Variants in EYA3 observed in about 807,000 individuals in gnomAD.
EYA3 encodes EYA transcriptional coactivator and phosphatase 3, also known as protein phosphatase EYA3.
Under a neutral mutation model 80.0 loss-of-function variants are expected in EYA3, and 39 were observed. The ratio of observed to expected loss-of-function variants is 0.49; its 90% CI spans 0.38 to 0.64. The LOEUF is 0.64. Among genes scored for constraint, EYA3 ranks in the 30% least tolerant of loss-of-function variants. The probability of loss-of-function intolerance (pLI) is 0.00; values close to 1 mark genes in which losing one functional copy is unlikely to be tolerated. For missense variants in EYA3, 523 were observed against 676.1 expected (o/e 0.77, Z 2.51); for synonymous variants, 206 against 232.8 (o/e 0.88, Z 1.05).
At chr1:27,998,402 G>A (rs1328559090) in intron 12 of EYA3, 1 of 700,166 alleles carries the variant, frequency 1.4e-6, no homozygotes, top group Non-Finnish European at 1.8e-6. Context: ...CATGTAGTAG[G>A]TTTTCAATAA....
chr1:28,035,196 T>C (rs1643376652), intron 6 of EYA3, among the ~76,000 whole-genome samples: 1 of 152,148 alleles, frequency 6.6e-6, no homozygotes, highest in Admixed American at 6.5e-5. Flanking sequence ...CTACCTGGTG[T>C]TAGCAAGAAA....
intron 1 of EYA3, among the ~76,000 whole-genome samples, chr1:28,084,369 G>T (rs1386501375): frequency 6.6e-6 from 1 of 151,426 alleles, no homozygotes; most frequent in Admixed American, 6.6e-5. Context: ...GACAGTAAAA[G>T]ATACCAGTAT....
chr1:27,977,499 G>A, intron 17 of EYA3: 1 of 1,108,990 alleles, frequency 9.0e-7, no homozygotes, highest in Non-Finnish European at 1.3e-6. Context: ...CTGAGACACA[G>A]ATGGGATTTT....
chr1:28,035,024 G>A (rs1328026600), intron 6 of EYA3, among the ~76,000 whole-genome samples: 1 of 151,890 alleles, frequency 6.6e-6, no homozygotes. Context: ...AACTCCCTAG[G>A]CACATAAGGT....
At chr1:27,974,842 G>A (rs1293544088) in intron 17 of EYA3, among the ~76,000 whole-genome samples, 1 of 152,166 alleles carries the variant, frequency 6.6e-6, no homozygotes, top group African/African-American at 2.4e-5. Flanking sequence ...CACCCAGGCT[G>A]GAGTGCAGTG....
intron 14 of EYA3, among the ~76,000 whole-genome samples, chr1:27,991,084 C>T (rs922993876): frequency 6.6e-6 from 1 of 152,162 alleles, no homozygotes; most frequent in Non-Finnish European, 1.5e-5. Context: ...CTTTTGCAGA[C>T]TGGTTGACCA....
rs950571006 is a variant in EYA3, at chr1:28,013,978, G to T, written c.586-684C>A. ...CTTGGGAGGCTAAGGCACAAGAATCGCTTGAACCTGGAAAGCGGAGGTTGC... is the reference window on the plus strand; with the variant it reads ...CTTGGGAGGCTAAGGCACAAGAATCTCTTGAACCTGGAAAGCGGAGGTTGC... On this transcript the variant is annotated intron_variant, in intron 8 of 17. Coordinates refer to ENST00000373871, the MANE Select transcript of EYA3 (RefSeq NM_001990.4). The surrounding 1 kb of genome is among the most constrained non-coding windows in gnomAD (Gnocchi z 4.0). Among the ~76,000 whole-genome samples, 21 of 152,158 alleles carry T rather than the reference G, an allele frequency of 1.4e-4. No individual in the cohort carries two copies. Among genetic ancestry groups the T allele is most frequent in the Non-Finnish European group, 2.9e-5 (2 of 68,024 alleles).
chr1:28,018,557 A>T (rs1642224832), intron 7 of EYA3, among the ~76,000 whole-genome samples: 2 of 152,256 alleles, frequency 1.3e-5, no homozygotes, highest in Non-Finnish European at 2.9e-5. Flanking sequence ...AAAATTAGTA[A>T]GAAAACTTCC....
intron 1 of EYA3, among the ~76,000 whole-genome samples, chr1:28,070,536 T>C (rs569914639): frequency 2.7e-4 from 41 of 152,082 alleles, no homozygotes; most frequent in African/African-American, 9.2e-4. Context: ...CACTCTAGCC[T>C]GGGCTACAGA....
chr1:28,038,984 T>G (rs1643625802), intron 4 of EYA3, 79 bp from the exon 5 acceptor site: 3 of 841,264 alleles, frequency 3.6e-6, no homozygotes, highest in Admixed American at 2.0e-5. Context: ...CATCTCACTG[T>G]ATAGTCTTTC....
intron 1 of EYA3, among the ~76,000 whole-genome samples, chr1:28,081,048 C>G (rs975577629): frequency 6.6e-6 from 1 of 152,060 alleles, no homozygotes; most frequent in Non-Finnish European, 1.5e-5. Context: ...TGAGCCACTG[C>G]GCCCGGCCGA....
intron 1 of EYA3, among the ~76,000 whole-genome samples, chr1:28,086,422 A>G (rs1645655344): frequency 6.6e-6 from 1 of 152,128 alleles, no homozygotes; most frequent in Non-Finnish European, 1.5e-5. Flanking sequence ...CTCCTGGCCA[A>G]TCCTCTGGCC....
chr1:28,079,353 T>C (rs1412607935), intron 1 of EYA3, among the ~76,000 whole-genome samples: 2 of 152,244 alleles, frequency 1.3e-5, no homozygotes, highest in Non-Finnish European at 2.9e-5. Context: ...TCTTCAGTCA[T>C]GTTATTTCAC....
intron 1 of EYA3, among the ~76,000 whole-genome samples, chr1:28,060,781 CGA>C (rs1490601782): frequency 6.6e-6 from 1 of 152,102 alleles, no homozygotes; most frequent in Non-Finnish European, 1.5e-5. Context: ...TTTGGGACGC[CGA>C]GGCAGGCGGA....
intron 1 of EYA3, among the ~76,000 whole-genome samples, chr1:28,084,084 G>T (rs1645527801): frequency 6.6e-6 from 1 of 152,080 alleles, no homozygotes; most frequent in Non-Finnish European, 1.5e-5. Flanking sequence ...GCCTTGGGCT[G>T]ATCTGTTAAC....
At chr1:28,051,131 G>A (rs1644231342) in intron 2 of EYA3, among the ~76,000 whole-genome samples, 2 of 152,112 alleles carry the variant, frequency 1.3e-5, no homozygotes, top group African/African-American at 4.8e-5. Context: ...AAGCTGCCAG[G>A]AAGTAAGAAA....
rs757723355 is a variant in EYA3 at position 28,013,061 on chromosome 1, T to C, written c.769+50A>G. On this transcript the variant is annotated intron_variant, in intron 9 of 17. Transcript: ENST00000373871. The surrounding 1 kb of genome is among the most constrained non-coding windows in gnomAD (Gnocchi z 4.0). ...ATCCTTACCATTGCCTAAAAACAAC[T>C]GTTGGATGAAGTGACCTTAAGCCAA... The C allele has an allele frequency of 6.4e-7, 1 of 1,555,774 alleles. No individual in the cohort carries two copies. Among genetic ancestry groups the C allele is most frequent in the East Asian group, 2.2e-5 (1 of 44,532 alleles).
At chr1:28,041,223 G>A (rs1643759168) in intron 4 of EYA3, among the ~76,000 whole-genome samples, 1 of 152,106 alleles carries the variant, frequency 6.6e-6, no homozygotes, top group African/African-American at 2.4e-5. Flanking sequence ...AATTAGCCAG[G>A]CGTGATGGTG....
intron 6 of EYA3, among the ~76,000 whole-genome samples, chr1:28,034,071 G>A (rs938129954): frequency 5.9e-5 from 9 of 151,784 alleles, no homozygotes; most frequent in African/African-American, 1.5e-4. Flanking sequence ...TGCACACAGC[G>A]AGACTCTGTC....
Sources: allele counts gnomAD v4.1 joint callset (sites outside exome capture counted in the v4.1 genomes callset), GRCh38; gene constraint gnomAD v4.1.1; non-coding constraint Gnocchi (gnomAD v3.1); transcripts MANE v1.5; gene names NCBI Gene and HGNC (gene_info 2026-07-23, HGNC 2026-07-21).